Variants in COL27A1 observed in about 807,000 individuals in gnomAD.
COL27A1 encodes collagen type XXVII alpha 1 chain, also known as collagen alpha-1(XXVII) chain.
Under a neutral mutation model 251.3 loss-of-function variants are expected in COL27A1, and 106 were observed. The ratio of observed to expected loss-of-function variants is 0.42; its 90% CI spans 0.36 to 0.50. The LOEUF is 0.50. Ranked by LOEUF, COL27A1 falls within the 20% of genes least tolerant of loss-of-function variation. The pLI is 0.00. For synonymous variants in COL27A1, 1,000 were observed against 986.3 expected (o/e 1.01, Z -0.26); for missense variants, 2,325 against 2,522.8 (o/e 0.92, Z 1.68).
chr9:114,312,237 C>G lies in COL27A1; in HGVS notation c.*1542C>G, dbSNP rs1049880586. 5.3e-5 allele frequency: 8 copies of G among 152,122 alleles called. No individual in the cohort carries two copies. Among genetic ancestry groups the G allele is most frequent in the African/African-American group, 1.7e-4 (7 of 41,414 alleles). 9.4% of individuals were successfully genotyped at this position (152,122 alleles called of 1,614,324 possible). On this transcript the variant is annotated 3_prime_UTR_variant, in exon 61 of 61. Coordinates refer to ENST00000356083, the MANE Select transcript of COL27A1 (RefSeq NM_032888.4). ...TTTATTATTTAATACCTCACTTTGG[C>G]CCGTCCCCCCTCCCAACACTTCTGT...
chr9:114,278,969 G>C (rs184118258), intron 37 of COL27A1, among the ~76,000 whole-genome samples: 1 of 152,172 alleles, frequency 6.6e-6, no homozygotes, highest in East Asian at 1.9e-4. Context: ...CTCACCCACT[G>C]TATGTATGCT....
rs576663126 is a variant in COL27A1 at position 114,298,470 on chromosome 9, A to G, written c.4585-1600A>G. Among the ~76,000 whole-genome samples, 4 of 152,372 alleles carry G rather than the reference A, an allele frequency of 2.6e-5. No individual in the cohort carries two copies. The South Asian group carries it at 8.3e-4, about 32-fold the overall frequency. ...TCAAAACTTATTACAAAAGTATAGT[A>G]ATCAAGACAGAAATAAAACCTTACA... is the stretch of plus-strand genomic sequence containing the variant. On this transcript the variant is annotated intron_variant, in intron 49 of 60. Transcript: ENST00000356083.
At chr9:114,248,719 T>C (rs1833320312) in intron 24 of COL27A1, among the ~76,000 whole-genome samples, 1 of 152,206 alleles carries the variant, frequency 6.6e-6, no homozygotes, top group Non-Finnish European at 1.5e-5. Flanking sequence ...GCACTTGCTG[T>C]ATGGCTCTTA....
intron 1 of COL27A1, among the ~76,000 whole-genome samples, chr9:114,160,629 G>A (rs886790213): frequency 2.0e-5 from 3 of 150,778 alleles, no homozygotes; most frequent in Admixed American, 2.0e-4. Context: ...CTTGAGCCCT[G>A]GAGTTCAAGT....
chr9:114,182,745 T>G (rs4979351), intron 4 of COL27A1, among the ~76,000 whole-genome samples: 1 of 151,994 alleles, frequency 6.6e-6, no homozygotes, highest in Non-Finnish European at 1.5e-5. Flanking sequence ...CTGTGAACAT[T>G]GGCATCCTCG....
chr9:114,236,172 C>G (rs1368974515), intron 17 of COL27A1, among the ~76,000 whole-genome samples: 1 of 152,140 alleles, frequency 6.6e-6, no homozygotes, highest in Non-Finnish European at 1.5e-5. Context: ...GCTCAGAGCC[C>G]TTTTTCCCCA....
chr9:114,187,473 T>A (rs180985959), intron 5 of COL27A1, among the ~76,000 whole-genome samples: 1 of 152,388 alleles, frequency 6.6e-6, no homozygotes, highest in East Asian at 1.9e-4. Flanking sequence ...ACCCCCATTT[T>A]ACAGATGAGG....
chr9:114,170,810 C>A (rs1022076152), intron 3 of COL27A1, among the ~76,000 whole-genome samples: 1 of 152,242 alleles, frequency 6.6e-6, no homozygotes, highest in African/African-American at 2.4e-5. Context: ...CCAGCCAACC[C>A]AGGCCAACTC....
At chr9:114,180,097 C>T (rs546186030) in intron 4 of COL27A1, among the ~76,000 whole-genome samples, 15 of 152,004 alleles carry the variant, frequency 9.9e-5, no homozygotes, top group African/African-American at 3.4e-4. Context: ...GCCTCGGCCT[C>T]CCAAAGTGCT....
chr9:114,214,638 G>T (rs1472700541), intron 12 of COL27A1, among the ~76,000 whole-genome samples: 2 of 152,226 alleles, frequency 1.3e-5, no homozygotes, highest in Admixed American at 1.3e-4. Flanking sequence ...CAAGTTGTTG[G>T]CAAAGTCAAG....
At chr9:114,286,001 G>C (rs1827456262) in intron 41 of COL27A1, among the ~76,000 whole-genome samples, 1 of 152,228 alleles carries the variant, frequency 6.6e-6, no homozygotes, top group South Asian at 2.1e-4. Context: ...GGTCAAGGTG[G>C]GGGCAGAACA....
At chr9:114,197,184 C>T (rs1444523439) in intron 7 of COL27A1, among the ~76,000 whole-genome samples, 1 of 152,194 alleles carries the variant, frequency 6.6e-6, no homozygotes, top group Non-Finnish European at 1.5e-5. Context: ...TAAGCTTCTG[C>T]CCTGGCTCCC....
intron 34 of COL27A1, 152 bp downstream of exon 34, chr9:114,267,709 GC>G: frequency 2.6e-6 from 2 of 755,478 alleles, no homozygotes; most frequent in Non-Finnish European, 4.3e-6. Context: ...CCTGGTTAGG[GC>G]CAGAGTGGAA....
Position 114,168,055 on chromosome 9 carries a change from C to A in COL27A1, c.500C>A (p.Thr167Lys). ...HHLALELRGR[T>K]VTLVTACGQR... ...CTGGCCCTCGAGCTCCGAGGCCGCA[C>A]AGTCACTCTGGTGACTGCCTGCGGG... Residue 167 changes from threonine (T) to lysine (K), a missense_variant, in exon 3 of 61, where the codon ACA (threonine) becomes AAA (lysine). Coordinates refer to ENST00000356083, the MANE Select transcript of COL27A1 (RefSeq NM_032888.4). 6.2e-7 allele frequency: 1 copy of A among 1,608,416 alleles called. No individual in the cohort carries two copies.
At chr9:114,258,820 G>A (rs568452514) in intron 28 of COL27A1, among the ~76,000 whole-genome samples, 2 of 152,334 alleles carry the variant, frequency 1.3e-5, no homozygotes, top group East Asian at 3.9e-4. Flanking sequence ...ACCAGGCACA[G>A]TCGGGCTCTC....
At chr9:114,284,029 G>A (rs1036431723) in intron 40 of COL27A1, among the ~76,000 whole-genome samples, 10 of 152,250 alleles carry the variant, frequency 6.6e-5, no homozygotes, top group Admixed American at 3.9e-4. Context: ...CAGGGTGGGC[G>A]CTCTGCATGC....
At chr9:114,306,712 TG>T in intron 58 of COL27A1, 24 bp downstream of exon 58, 2 of 1,606,234 alleles carry the variant, frequency 1.2e-6, no homozygotes, top group South Asian at 2.2e-5. Flanking sequence ...CTGCCGGGGG[TG>T]GGTGCGCCTG....
intron 25 of COL27A1, among the ~76,000 whole-genome samples, chr9:114,250,927 C>G (rs1833500384): frequency 6.6e-6 from 1 of 152,160 alleles, no homozygotes; most frequent in Admixed American, 6.5e-5. Context: ...ACCTGGGCTC[C>G]TCACAGCTGC....
intron 1 of COL27A1, among the ~76,000 whole-genome samples, chr9:114,157,725 C>T (rs187922822): frequency 1.8e-3 from 279 of 152,326 alleles, no homozygotes; most frequent in Middle Eastern, 6.8e-3. Context: ...GGGAGGCAGG[C>T]GGCACCACAG....
Sources: gnomAD v4.1 joint callset for allele counts (sites outside exome capture counted in the v4.1 genomes callset) on GRCh38, gnomAD v4.1.1 for gene constraint, MANE v1.5 for transcripts, NCBI Gene and HGNC (gene_info 2026-07-23, HGNC 2026-07-21) for gene names.